FRMD4A: variants seen among roughly 807,000 people sequenced by gnomAD.
FRMD4A encodes the protein FERM domain containing 4A, also known as FERM domain-containing protein 4A.
In FRMD4A, 29 loss-of-function variants were observed where a neutral mutation model predicts 129.1. That is an observed-to-expected ratio of 0.22 (90% CI 0.17 to 0.31). The LOEUF (loss-of-function observed/expected upper bound fraction) is 0.31. Ranked by LOEUF, FRMD4A falls within the 10% of genes least tolerant of loss-of-function variation. The pLI, the probability that FRMD4A is intolerant of heterozygous loss-of-function variation, is 1.00. For synonymous variants in FRMD4A, 634 were observed against 571.6 expected (o/e 1.11, Z -1.56); for missense variants, 1,272 against 1,375.8 (o/e 0.92, Z 1.19).
chr10:14,133,014 A>G (rs1255159256), intron 2 of FRMD4A, among the ~76,000 whole-genome samples: 1 of 152,230 alleles, frequency 6.6e-6, no homozygotes, highest in Non-Finnish European at 1.5e-5. Flanking sequence ...CATCATCAGT[A>G]AGATCAGAAT....
chr10:13,923,884 G>C (rs1190611986), intron 2 of FRMD4A, among the ~76,000 whole-genome samples: 1 of 152,206 alleles, frequency 6.6e-6, no homozygotes. Flanking sequence ...CTGTTTTCAA[G>C]GTTGGCACAG....
chr10:13,920,446 C>G (rs1185969117), intron 2 of FRMD4A, among the ~76,000 whole-genome samples: 1 of 152,210 alleles, frequency 6.6e-6, no homozygotes, highest in African/African-American at 2.4e-5. Context: ...GTGTTAAATA[C>G]TTTCATCCAG....
At chr10:14,248,825 G>A (rs1351245962) in intron 2 of FRMD4A, among the ~76,000 whole-genome samples, 1 of 152,140 alleles carries the variant, frequency 6.6e-6, no homozygotes. Flanking sequence ...CTCCAAACAA[G>A]CACTGATGGA....
chr10:14,319,425 T>C (rs1473914842), intron 2 of FRMD4A, among the ~76,000 whole-genome samples: 3 of 149,974 alleles, frequency 2.0e-5, no homozygotes, highest in African/African-American at 7.3e-5. Flanking sequence ...GGTTTAGTAA[T>C]AGTTTGCATG....
At chr10:14,142,123 T>A (rs4750474) in intron 2 of FRMD4A, among the ~76,000 whole-genome samples, 92,599 of 150,262 alleles carry the variant, frequency 0.62, 28,607 homozygotes, top group East Asian at 0.79. Context: ...ATTTTTATTT[T>A]AAAAAAAAAG....
intron 24 of FRMD4A, among the ~76,000 whole-genome samples, chr10:13,650,434 G>C (rs535739261): frequency 6.6e-6 from 1 of 152,122 alleles, no homozygotes; most frequent in African/African-American, 2.4e-5. Context: ...GTATGTATTC[G>C]TGTATGTATG....
intron 2 of FRMD4A, 85 bp from the exon 3 acceptor site, chr10:13,858,997 G>A: frequency 1.2e-6 from 1 of 829,830 alleles, no homozygotes; most frequent in Non-Finnish European, 2.1e-6. Flanking sequence ...ACTCTGCCAG[G>A]CATATTCCTC....
intron 2 of FRMD4A, among the ~76,000 whole-genome samples, chr10:14,292,106 TC>T (rs929818945): frequency 1.3e-5 from 2 of 152,178 alleles, no homozygotes; most frequent in African/African-American, 4.8e-5. Context: ...AGTGTTAATT[TC>T]CCCCAAAGTA....
At chr10:14,114,330 G>A (rs959596554) in intron 2 of FRMD4A, among the ~76,000 whole-genome samples, 2 of 152,146 alleles carry the variant, frequency 1.3e-5, no homozygotes, top group South Asian at 4.1e-4. Context: ...GCCAGCTGGG[G>A]TCCCAGGGCT....
chr10:14,141,344 A>C (rs183140059), intron 2 of FRMD4A, among the ~76,000 whole-genome samples: 108 of 152,278 alleles, frequency 7.1e-4, no homozygotes, highest in South Asian at 6.6e-3. Flanking sequence ...TCAGAAAATG[A>C]GGCTCTAACA....
intron 2 of FRMD4A, among the ~76,000 whole-genome samples, chr10:14,320,548 A>G (rs1325573240): frequency 2.0e-5 from 3 of 152,230 alleles, no homozygotes; most frequent in Non-Finnish European, 4.4e-5. Flanking sequence ...CTAGCGTTCT[A>G]GATCTCACAC....
intron 2 of FRMD4A, among the ~76,000 whole-genome samples, chr10:14,043,022 C>T (rs1398359993): frequency 6.6e-6 from 1 of 151,558 alleles, no homozygotes; most frequent in Non-Finnish European, 1.5e-5. Flanking sequence ...CCTGTACAAT[C>T]CTCATGACAA....
chr10:14,269,959 G>C (rs1845107533), intron 2 of FRMD4A, among the ~76,000 whole-genome samples: 1 of 152,202 alleles, frequency 6.6e-6, no homozygotes. Flanking sequence ...GTGGGGCCCA[G>C]ATGGGACGAA....
chr10:13,754,118 A>T (rs2091754624), intron 8 of FRMD4A, among the ~76,000 whole-genome samples: 1 of 152,204 alleles, frequency 6.6e-6, no homozygotes, highest in East Asian at 1.9e-4. Context: ...TGAAAAACTG[A>T]CACAGTACCA....
At chr10:14,026,635 C>A (rs573924294) in intron 2 of FRMD4A, among the ~76,000 whole-genome samples, 5 of 152,334 alleles carry the variant, frequency 3.3e-5, no homozygotes, top group Admixed American at 6.5e-5. Context: ...GAGCTACAGA[C>A]CTTCCTAGGG....
intron 2 of FRMD4A, among the ~76,000 whole-genome samples, chr10:14,051,436 G>A (rs777103254): frequency 3.3e-5 from 5 of 152,164 alleles, no homozygotes; most frequent in Non-Finnish European, 7.3e-5. Context: ...AGAGAATCAC[G>A]TTCCATAAGA....
chr10:14,249,984 T>G (rs988442648), intron 2 of FRMD4A, among the ~76,000 whole-genome samples: 3 of 152,238 alleles, frequency 2.0e-5, no homozygotes, highest in Non-Finnish European at 2.9e-5. Context: ...TATTTATTTA[T>G]TTGAGACAGA....
chr10:14,299,371 G>T (rs11599398), intron 2 of FRMD4A, among the ~76,000 whole-genome samples: 1 of 152,012 alleles, frequency 6.6e-6, no homozygotes, highest in South Asian at 2.1e-4. Flanking sequence ...AGGAGCCATC[G>T]GGTGCAGGAG....
chr10:14,307,606 C>T (rs1846395692), intron 2 of FRMD4A, among the ~76,000 whole-genome samples: 1 of 152,218 alleles, frequency 6.6e-6, no homozygotes, highest in African/African-American at 2.4e-5. Context: ...AGGAAACCTA[C>T]AGGCAAGAAA....
Sources: gnomAD v4.1 joint callset for allele counts (sites outside exome capture counted in the v4.1 genomes callset) on GRCh38, gnomAD v4.1.1 for gene constraint, MANE v1.5 for transcripts, NCBI Gene and HGNC (gene_info 2026-07-23, HGNC 2026-07-21) for gene names.